PCM1: variants seen among roughly 807,000 people sequenced by gnomAD.
PCM1 encodes pericentriolar material 1 protein.
In PCM1, 157 loss-of-function variants were observed where a neutral mutation model predicts 241.9. The ratio of observed to expected loss-of-function variants is 0.65; its 90% CI spans 0.57 to 0.74. The LOEUF (loss-of-function observed/expected upper bound fraction) is 0.74, where lower values mean the gene tolerates loss of function less well. Among genes scored for constraint, PCM1 ranks in the 30% least tolerant of loss-of-function variants. The pLI is 0.00. For synonymous variants in PCM1, 1,085 were observed against 784.9 expected, an observed-to-expected ratio of 1.38 and a Z score of -6.39; for missense variants, 3,478 against 2,360.1, an observed-to-expected ratio of 1.47 and a Z score of -9.81.
At chr8:17,946,298 C>A (rs1586330609) in intron 6 of PCM1, among the ~76,000 whole-genome samples, 2 of 151,926 alleles carry the variant, frequency 1.3e-5, no homozygotes, top group African/African-American at 2.4e-5. Context: ...ATAATGATGC[C>A]TTTGATGACG....
chr8:18,005,731 T>C (rs918450065), intron 29 of PCM1, among the ~76,000 whole-genome samples: 15 of 152,226 alleles, frequency 9.9e-5, no homozygotes, highest in African/African-American at 3.4e-4. Flanking sequence ...TGTCTAAAGG[T>C]ATTTTTAGTT....
chr8:17,928,199 C>T (rs2057751827), intron 2 of PCM1, among the ~76,000 whole-genome samples: 2 of 152,120 alleles, frequency 1.3e-5, no homozygotes, highest in African/African-American at 2.4e-5. Context: ...TGGGTGGATT[C>T]AGTGGAGTGT....
At position 18,026,033 on chromosome 8, in the gene PCM1, G is replaced by C. The variant is rs369682892; in HGVS notation, c.6049+375G>C. The stretch of plus-strand genomic sequence containing the variant: ...CAAAAAATCAGCCAAGCGCGGTGGC[G>C]GGCGCCTGTAGTGCCAGCTACTCGG... On this transcript the variant is annotated intron_variant, in intron 38 of 38. Transcript: ENST00000325083. 2.5e-4 allele frequency among the ~76,000 whole-genome samples: 38 copies of C among 151,222 alleles called. No individual in the cohort carries two copies. In the East Asian group the frequency reaches 5.2e-3, roughly 21 times the overall value.
chr8:17,959,737 T>C (rs560740781), intron 13 of PCM1, among the ~76,000 whole-genome samples: 1 of 152,348 alleles, frequency 6.6e-6, no homozygotes, highest in African/African-American at 2.4e-5. Flanking sequence ...TTTTATTTTA[T>C]TGATATACCG....
At chr8:17,983,152 T>G (rs1168713188) in intron 24 of PCM1, 1 of 555,358 alleles carries the variant, frequency 1.8e-6, no homozygotes, top group East Asian at 6.2e-5. Flanking sequence ...CTTTTTTTCA[T>G]TCACTTATTC....
At chr8:17,942,453 C>T (rs934316998) in intron 6 of PCM1, among the ~76,000 whole-genome samples, 4 of 150,668 alleles carry the variant, frequency 2.7e-5, no homozygotes, top group African/African-American at 4.9e-5. Flanking sequence ...GAGACTGCGT[C>T]TCAAAAAAAA....
intron 29 of PCM1, among the ~76,000 whole-genome samples, chr8:18,003,751 TTATAAA>T (rs748334400): frequency 6.6e-6 from 1 of 152,128 alleles, no homozygotes; most frequent in Non-Finnish European, 1.5e-5. Flanking sequence ...TTCCTGTTAC[TTATAAA>T]TATATGTATA....
At chr8:17,939,975 C>A in intron 6 of PCM1, 114 bp downstream of exon 6, 1 of 1,215,726 alleles carries the variant, frequency 8.2e-7, no homozygotes. Flanking sequence ...AAAAATCATG[C>A]CATCCATTAT....
At chr8:17,985,664 C>A (rs1048739488) in intron 25 of PCM1, 45 bp downstream of exon 25, 1 of 1,397,448 alleles carries the variant, frequency 7.2e-7, no homozygotes, top group Admixed American at 1.9e-5. Context: ...TTATCACCTT[C>A]TTCATGATTA....
At chr8:17,980,018 G>C (rs1475436205) in intron 23 of PCM1, among the ~76,000 whole-genome samples, 1 of 151,608 alleles carries the variant, frequency 6.6e-6, no homozygotes, top group African/African-American at 2.4e-5. Flanking sequence ...TTTTAATTCA[G>C]TGGAAAGAGG....
At chr8:18,022,791 A>G (rs1343108625) in intron 36 of PCM1, among the ~76,000 whole-genome samples, 2 of 152,220 alleles carry the variant, frequency 1.3e-5, no homozygotes, top group East Asian at 1.9e-4. Context: ...GAACTTCACC[A>G]TGATACCCTT....
At chr8:17,937,987 A>G (rs404186) in intron 4 of PCM1, among the ~76,000 whole-genome samples, 117,354 of 152,078 alleles carry the variant, frequency 0.77, 45,692 homozygotes, top group African/African-American at 0.81. Context: ...TTAACTGTAT[A>G]TCAGGCACTG....
intron 21 of PCM1, 59 bp from the exon 22 acceptor site, chr8:17,969,518 C>T: frequency 1.6e-6 from 2 of 1,235,394 alleles, no homozygotes; most frequent in East Asian, 2.5e-5. Context: ...CTTTTAATTT[C>T]ATTTTAAAGC....
At chr8:17,931,590 A>G (rs1447671242) in intron 2 of PCM1, among the ~76,000 whole-genome samples, 2 of 152,186 alleles carry the variant, frequency 1.3e-5, no homozygotes, top group East Asian at 1.9e-4. Context: ...TTACTTCATT[A>G]TTCTATTAAT....
intron 38 of PCM1, among the ~76,000 whole-genome samples, chr8:18,026,238 T>A (rs1399631216): frequency 9.6e-6 from 1 of 103,746 alleles, no homozygotes; most frequent in African/African-American, 3.9e-5. Context: ...GGTACAAAAA[T>A]ATTATAAATA....
chr8:17,937,816 G>A (rs2060842709), intron 4 of PCM1, among the ~76,000 whole-genome samples: 1 of 152,080 alleles, frequency 6.6e-6, no homozygotes. Context: ...AAAACAAGTA[G>A]AAATGATAAT....
intron 2 of PCM1, among the ~76,000 whole-genome samples, chr8:17,931,616 CAT>C (rs1381827875): frequency 6.6e-6 from 1 of 152,174 alleles, no homozygotes; most frequent in Non-Finnish European, 1.5e-5. Context: ...GTATTGCTAA[CAT>C]ACTCTTTTAA....
chr8:17,954,881 T>G (rs73580100), intron 9 of PCM1, among the ~76,000 whole-genome samples: 3,038 of 152,254 alleles, frequency 0.02, 108 homozygotes, highest in African/African-American at 0.07. Context: ...TATTGCTGTT[T>G]AATATTTCAT....
At chr8:17,924,884 C>T (rs971160622) in intron 2 of PCM1, 104 bp downstream of exon 2, 1 of 152,192 alleles carries the variant, frequency 6.6e-6, no homozygotes, top group African/African-American at 2.4e-5. Context: ...AGGATCCTCT[C>T]TGCTTAGTAA....
Sources: allele counts gnomAD v4.1 joint callset (sites outside exome capture counted in the v4.1 genomes callset), GRCh38; gene constraint gnomAD v4.1.1; transcripts MANE v1.5; gene names NCBI Gene and HGNC (gene_info 2026-07-23, HGNC 2026-07-21).